ANKS1B: variants seen among roughly 807,000 people sequenced by gnomAD.
ANKS1B encodes ankyrin repeat and sterile alpha motif domain containing 1B, also known as ankyrin repeat and sterile alpha motif domain-containing protein 1B.
In ANKS1B, 36 loss-of-function variants were observed where a neutral mutation model predicts 148.3. That is an observed-to-expected ratio of 0.24 (90% CI 0.19 to 0.32). ANKS1B has a LOEUF of 0.32. Ranked by LOEUF, ANKS1B falls within the 10% of genes least tolerant of loss-of-function variation. ANKS1B has a pLI of 1.00. For synonymous variants in ANKS1B, 542 were observed against 560.8 expected (o/e 0.97, Z 0.47); for missense variants, 1,157 against 1,542.6 (o/e 0.75, Z 4.19).
chr12:99,537,223 A>T (rs1378760741), intron 9 of ANKS1B, among the ~76,000 whole-genome samples: 1 of 152,190 alleles, frequency 6.6e-6, no homozygotes, highest in African/African-American at 2.4e-5. Context: ...CAATAAACAT[A>T]GGAGTGCAGA....
At chr12:99,865,407 G>T (rs1991535) in intron 1 of ANKS1B, among the ~76,000 whole-genome samples, 3,320 of 152,238 alleles carry the variant, frequency 0.022, 123 homozygotes, top group African/African-American at 0.075. Flanking sequence ...TCAGGGGTCG[G>T]TGGGAGGGGG....
chr12:98,995,251 T>C (rs1045720878), intron 17 of ANKS1B, among the ~76,000 whole-genome samples: 1 of 152,160 alleles, frequency 6.6e-6, no homozygotes, highest in Non-Finnish European at 1.5e-5. Flanking sequence ...ACATATTTAA[T>C]TATTACAAGC....
intron 17 of ANKS1B, among the ~76,000 whole-genome samples, chr12:98,874,611 A>G (rs2099682843): frequency 6.6e-6 from 1 of 152,216 alleles, no homozygotes; most frequent in Non-Finnish European, 1.5e-5. Context: ...AAAAGGAAGA[A>G]TAAGAGTGAC....
intron 2 of ANKS1B, 62 bp downstream of exon 2, chr12:99,825,247 A>C (rs553563215): frequency 1.4e-6 from 2 of 1,383,682 alleles, no homozygotes; most frequent in Admixed American, 3.8e-5. Context: ...TCGTCAAGAC[A>C]TAATTAACTT....
rs115362775 is a variant in ANKS1B at position 99,487,043 on chromosome 12, T to G, written c.1438+17433A>C. The stretch of plus-strand genomic sequence containing the variant: ...GCCTATCAAATGCACCAGGGCTGAT[T>G]GTTGGGTTAGAGCTGAAGAATTTCC... On this transcript the variant is annotated intron_variant, in intron 10 of 26. Coordinates refer to ENST00000683438, the MANE Select transcript of ANKS1B (RefSeq NM_001352186.2). 7.2e-3 allele frequency among the ~76,000 whole-genome samples: 1,098 copies of G among 152,270 alleles called. 11 individuals carry two copies. Among genetic ancestry groups the G allele is most frequent in the African/African-American group, 0.025 (1,050 of 41,552 alleles).
rs745720329 is a variant in ANKS1B, at chr12:99,775,582, T to C, written c.927A>G (p.Ser309=). The C allele has an allele frequency of 1.2e-6, 2 of 1,613,490 alleles. No homozygotes were observed. Among genetic ancestry groups the C allele is most frequent in the Non-Finnish European group, 1.7e-6 (2 of 1,179,552 alleles). ...QEDATQETHI[S]SPVESPSQKT... ...TTTGGGAAGGAGACTCAACAGGAGA[T>C]GAAATGTGTGTTTCTTGTGTTGCAT... The change falls in exon 7 of 27, where the codon TCA becomes TCG. Residue 309 remains serine (S), a synonymous_variant. Transcript: ENST00000683438.
chr12:99,677,334 G>T (rs1567623012), intron 8 of ANKS1B, among the ~76,000 whole-genome samples: 2 of 151,556 alleles, frequency 1.3e-5, no homozygotes, highest in East Asian at 1.9e-4. Context: ...CAAACTGTTT[G>T]TTTTTTTATT....
chr12:99,775,895 G>C (rs1479451324), intron 6 of ANKS1B, among the ~76,000 whole-genome samples: 1 of 151,990 alleles, frequency 6.6e-6, no homozygotes, highest in African/African-American at 2.4e-5. Context: ...AGAAACTCTT[G>C]AACCCCTTTC....
At chr12:99,830,931 T>C (rs1001490498) in intron 1 of ANKS1B, among the ~76,000 whole-genome samples, 7 of 152,320 alleles carry the variant, frequency 4.6e-5, no homozygotes, top group African/African-American at 1.4e-4. Flanking sequence ...TGGCTCAATC[T>C]TTCTGCTCAA....
chr12:99,366,298 C>T (rs888856821), intron 12 of ANKS1B, among the ~76,000 whole-genome samples: 1 of 152,126 alleles, frequency 6.6e-6, no homozygotes, highest in Non-Finnish European at 1.5e-5. Flanking sequence ...TCTTGGTTCC[C>T]GGGCTCTGAT....
intron 4 of ANKS1B, among the ~76,000 whole-genome samples, chr12:99,782,968 T>C (rs2153634843): frequency 6.6e-6 from 1 of 152,250 alleles, no homozygotes; most frequent in Non-Finnish European, 1.5e-5. Context: ...GCAGGTGGAT[T>C]GCCTAAGGCC....
At chr12:99,525,204 T>C (rs965838291) in intron 9 of ANKS1B, among the ~76,000 whole-genome samples, 1 of 152,124 alleles carries the variant, frequency 6.6e-6, no homozygotes, top group African/African-American at 2.4e-5. Flanking sequence ...CAGGGAGGCA[T>C]GGGCTAAGAG....
chr12:99,147,433 G>T (rs1000826355), intron 15 of ANKS1B, among the ~76,000 whole-genome samples: 2 of 152,082 alleles, frequency 1.3e-5, no homozygotes, highest in Non-Finnish European at 2.9e-5. Context: ...GGTCATTAAG[G>T]ATCCTAAATA....
intron 12 of ANKS1B, among the ~76,000 whole-genome samples, chr12:99,251,259 C>T (rs2074547827): frequency 6.6e-6 from 1 of 152,064 alleles, no homozygotes; most frequent in African/African-American, 2.4e-5. Context: ...ACTATTATAA[C>T]AATAATTTTT....
chr12:99,646,652 CAAAAAA>C (rs35481645), intron 9 of ANKS1B, among the ~76,000 whole-genome samples: 3 of 35,882 alleles, frequency 8.4e-5, no homozygotes, highest in East Asian at 2.1e-3. Context: ...GACTCCATCT[CAAAAAA>C]AAAAAAAAAA....
At chr12:99,782,702 C>T (rs2064487513) in intron 4 of ANKS1B, among the ~76,000 whole-genome samples, 1 of 152,204 alleles carries the variant, frequency 6.6e-6, no homozygotes, top group African/African-American at 2.4e-5. Context: ...CTCATTTAAT[C>T]AGCATGCATT....
intron 1 of ANKS1B, among the ~76,000 whole-genome samples, chr12:99,853,393 C>G (rs941858625): frequency 6.6e-6 from 1 of 152,140 alleles, no homozygotes; most frequent in Non-Finnish European, 1.5e-5. Context: ...GACTTGAAAA[C>G]AGATCACATC....
At chr12:99,327,379 T>C (rs1343250389) in intron 12 of ANKS1B, among the ~76,000 whole-genome samples, 1 of 132,026 alleles carries the variant, frequency 7.6e-6, no homozygotes, top group African/African-American at 2.8e-5. Context: ...ATATTATATA[T>C]AATTATATAT....
At chr12:98,856,807 T>A (rs1369274260) in intron 17 of ANKS1B, among the ~76,000 whole-genome samples, 1 of 152,176 alleles carries the variant, frequency 6.6e-6, no homozygotes, top group Non-Finnish European at 1.5e-5. Context: ...AGCAGAATCT[T>A]CTGTGTCTAG....
Sources: gnomAD v4.1 joint callset for allele counts (sites outside exome capture counted in the v4.1 genomes callset) on GRCh38, gnomAD v4.1.1 for gene constraint, MANE v1.5 for transcripts, NCBI Gene and HGNC (gene_info 2026-07-23, HGNC 2026-07-21) for gene names.